Variants in CLYBL observed in about 807,000 individuals in gnomAD.
The protein encoded by CLYBL is citramalyl-CoA lyase, mitochondrial.
A neutral mutation model predicts 38.9 loss-of-function variants in CLYBL; 31 were observed. That is an observed-to-expected ratio of 0.80 (90% CI 0.60 to 1.08). The LOEUF is 1.08. Ranked by LOEUF, CLYBL falls within the 50% of genes least tolerant of loss-of-function variation. The pLI, the probability that CLYBL is intolerant of heterozygous loss-of-function variation, is 0.00. For missense variants in CLYBL, 434 were observed against 411.6 expected (o/e 1.05, Z -0.47); for synonymous variants, 171 against 158.6 (o/e 1.08, Z -0.59).
At chr13:99,751,654 C>T (rs537701855) in intron 1 of CLYBL, among the ~76,000 whole-genome samples, 22 of 151,986 alleles carry the variant, frequency 1.4e-4, no homozygotes, top group African/African-American at 4.1e-4. Flanking sequence ...TGCCAAGGGC[C>T]GAGGGGAGGA....
At chr13:99,731,390 TTGGGAGGCCATGG>T (rs2048587707) in intron 1 of CLYBL, among the ~76,000 whole-genome samples, 1 of 151,356 alleles carries the variant, frequency 6.6e-6, no homozygotes, top group Admixed American at 6.6e-5. Context: ...TCCCAGCACT[TTGGGAGGCCATGG>T]TGGGAGGATT....
chr13:99,906,888 T>C (rs1957107303), intron 9 of CLYBL, among the ~76,000 whole-genome samples: 2 of 152,258 alleles, frequency 1.3e-5, no homozygotes, highest in Admixed American at 1.3e-4. Flanking sequence ...TGGAAAATAC[T>C]TGGCTTCGTG....
Position 99,858,949 on chromosome 13 carries a change from G to A in CLYBL, c.338G>A (p.Ser113Asn). Residue 113 changes from serine to asparagine, a missense_variant, in exon 3 of 9, where the codon AGT becomes AAT. Transcript: ENST00000339105. ...TGTGTGAGAGTCAACTCAGTTTCCA[G>A]TGGTCTGGCGGAAGAAGACCTAGAG... ...EKCVRVNSVS[S>N]GLAEEDLETL... The A allele has an allele frequency of 6.2e-7, 1 of 1,614,122 alleles. No individual in the cohort carries two copies. Among genetic ancestry groups the A allele is most frequent in the Non-Finnish European group, 8.5e-7 (1 of 1,179,980 alleles).
chr13:99,750,745 ATCTT>A (rs2048941117), intron 1 of CLYBL, among the ~76,000 whole-genome samples: 1 of 151,538 alleles, frequency 6.6e-6, no homozygotes, highest in African/African-American at 2.4e-5. Context: ...TAAAAAAAAA[ATCTT>A]ATGTTTAAGA....
At chr13:99,796,201 T>G (rs560453132) in intron 2 of CLYBL, among the ~76,000 whole-genome samples, 1 of 152,148 alleles carries the variant, frequency 6.6e-6, no homozygotes, top group African/African-American at 2.4e-5. Flanking sequence ...TTGGGCTGCT[T>G]CACTGGAGAC....
At chr13:99,874,758 T>C (rs896271432) in intron 7 of CLYBL, among the ~76,000 whole-genome samples, 11 of 152,230 alleles carry the variant, frequency 7.2e-5, no homozygotes, top group Non-Finnish European at 1.5e-4. Context: ...TATCTTTCCA[T>C]ATTCATCACT....
At chr13:99,906,030 T>A (rs964337769) in intron 9 of CLYBL, among the ~76,000 whole-genome samples, 2 of 152,154 alleles carry the variant, frequency 1.3e-5, no homozygotes, top group Admixed American at 6.5e-5. Context: ...TGCCTCAGCC[T>A]CCCAAAGTGC....
intron 1 of CLYBL, among the ~76,000 whole-genome samples, chr13:99,751,470 C>G (rs998885500): frequency 6.6e-6 from 1 of 152,186 alleles, no homozygotes; most frequent in African/African-American, 2.4e-5. Flanking sequence ...GTCCTCCTAC[C>G]TCAGCCTCCC....
At chr13:99,706,209 C>T (rs1312001602) in intron 1 of CLYBL, among the ~76,000 whole-genome samples, 2 of 151,956 alleles carry the variant, frequency 1.3e-5, no homozygotes, top group African/African-American at 4.8e-5. Context: ...GCATTACAGG[C>T]GTGAGCTACC....
At chr13:99,771,815 C>A (rs954462915) in intron 1 of CLYBL, among the ~76,000 whole-genome samples, 2 of 152,214 alleles carry the variant, frequency 1.3e-5, no homozygotes, top group African/African-American at 4.8e-5. Context: ...GCTACACCCA[C>A]GACCATTTCA....
At chr13:99,720,953 C>T (rs778789648) in intron 1 of CLYBL, among the ~76,000 whole-genome samples, 21 of 151,752 alleles carry the variant, frequency 1.4e-4, no homozygotes, top group Non-Finnish European at 2.4e-4. Context: ...TCTCATGTTC[C>T]CTCGTTTCTT....
chr13:99,675,323 A>ATACTTTATGTGTC (rs2047628065), intron 1 of CLYBL, among the ~76,000 whole-genome samples: 3 of 151,858 alleles, frequency 2.0e-5, no homozygotes, highest in Non-Finnish European at 2.9e-5. Context: ...CTATATGTGT[A>ATACTTTATGTGTC]TATACTTTAT....
chr13:99,672,686 C>G lies in CLYBL; in HGVS notation c.62+65929C>G, dbSNP rs1002607146. Among the ~76,000 whole-genome samples the G allele has an allele frequency of 2.0e-5, 3 of 151,874 alleles. No homozygotes were observed. In the East Asian group the frequency reaches 5.8e-4, roughly 29 times the overall value. Reference sequence around the variant, plus strand: ...AGCTTCTTGGGAGGTGTGAGGATCACTTGAGCCCAGGAGGTTGAGGCTGTA... The same window carrying G: ...AGCTTCTTGGGAGGTGTGAGGATCAGTTGAGCCCAGGAGGTTGAGGCTGTA... On this transcript the variant is annotated intron_variant, in intron 1 of 8. Coordinates refer to ENST00000339105, the MANE Select transcript of CLYBL (RefSeq NM_206808.5).
At chr13:99,720,892 C>T (rs79823192) in intron 1 of CLYBL, among the ~76,000 whole-genome samples, 3 of 152,146 alleles carry the variant, frequency 2.0e-5, no homozygotes, top group African/African-American at 7.2e-5. Flanking sequence ...GAAAACATCT[C>T]AGTCATAAGT....
At chr13:99,651,243 G>A (rs747377069) in intron 1 of CLYBL, among the ~76,000 whole-genome samples, 1 of 152,180 alleles carries the variant, frequency 6.6e-6, no homozygotes, top group South Asian at 2.1e-4. Flanking sequence ...CTGATTGCAG[G>A]CCCAGCATCT....
intron 2 of CLYBL, among the ~76,000 whole-genome samples, chr13:99,791,856 A>G (rs141549648): frequency 1.2e-3 from 179 of 152,302 alleles, no homozygotes; most frequent in African/African-American, 4.0e-3. Context: ...ATTACCTTAG[A>G]GTCCTGACTC....
chr13:99,772,675 C>A (rs9517878), intron 1 of CLYBL, 149 bp from the exon 2 acceptor site: 2 of 637,528 alleles, frequency 3.1e-6, no homozygotes, highest in Non-Finnish European at 2.5e-6. Context: ...TCAAACTGGG[C>A]GACAGAGCAA....
rs548612944 is a variant in CLYBL, at chr13:99,811,869, C to T, written c.249+38859C>T. Among the ~76,000 whole-genome samples, 5 of 152,280 alleles carry T rather than the reference C, an allele frequency of 3.3e-5. No homozygotes were observed. In the South Asian group the frequency reaches 1.0e-3, roughly 32 times the overall value. Reference sequence around the variant, plus strand: ...AATAACTGAAATCTACAGAGAAATACAAGTCTTGACAAGTTTCAGGAAAAA... The same window carrying T: ...AATAACTGAAATCTACAGAGAAATATAAGTCTTGACAAGTTTCAGGAAAAA... On this transcript the variant is annotated intron_variant, in intron 2 of 8. Coordinates refer to ENST00000339105, the MANE Select transcript of CLYBL (RefSeq NM_206808.5).
rs1326153726 is a variant in CLYBL, at chr13:99,729,226, T to A, written c.63-43598T>A. On this transcript the variant is annotated intron_variant, in intron 1 of 8. Coordinates refer to ENST00000339105, the MANE Select transcript of CLYBL (RefSeq NM_206808.5). Reference sequence around the variant, plus strand: ...GAGGGGAGAGAGTATCTTTGTGCTGTGTTATGCCTGACACATTGTCGGTGA... The same window carrying A: ...GAGGGGAGAGAGTATCTTTGTGCTGAGTTATGCCTGACACATTGTCGGTGA... Among the ~76,000 whole-genome samples, 3 of 152,248 alleles carry A rather than the reference T, an allele frequency of 2.0e-5. No individual in the cohort carries two copies. The East Asian group carries it at 5.8e-4, about 29-fold the overall frequency.
Sources: gnomAD v4.1 joint callset for allele counts (sites outside exome capture counted in the v4.1 genomes callset) on GRCh38, gnomAD v4.1.1 for gene constraint, MANE v1.5 for transcripts, NCBI Gene and HGNC (gene_info 2026-07-23, HGNC 2026-07-21) for gene names.